Variants in ETV6 observed in about 807,000 individuals in gnomAD.
ETV6 encodes transcription factor ETV6.
ETV6 carries 16 observed loss-of-function variants against 51.1 expected under a neutral mutation model. That is an observed-to-expected ratio of 0.31 (90% CI 0.21 to 0.48). ETV6 has a LOEUF of 0.48. Among genes scored for constraint, ETV6 ranks in the 20% least tolerant of loss-of-function variants. The probability of loss-of-function intolerance (pLI) is 0.99; values close to 1 mark genes in which losing one functional copy is unlikely to be tolerated. For synonymous variants in ETV6, 240 were observed against 224.1 expected (o/e 1.07, Z -0.64); for missense variants, 458 against 594.8 (o/e 0.77, Z 2.39).
Position 11,787,839 on chromosome 12 carries a change from C to A in ETV6, c.163+35260C>A, listed in dbSNP as rs183719195. On this transcript the variant is annotated intron_variant, in intron 2 of 7. Coordinates refer to ENST00000396373, the MANE Select transcript of ETV6 (RefSeq NM_001987.5). ...AGCCCTAAGCCCAAGTTGTATCACC[C>A]AGTATCAAATCCAATCAAAAATATA... Among the ~76,000 whole-genome samples, 633 of 152,204 alleles carry A rather than the reference C, an allele frequency of 4.2e-3. 3 individuals are homozygous for A. Among genetic ancestry groups the A allele is most frequent in the African/African-American group, 0.014 (594 of 41,502 alleles).
intron 5 of ETV6, among the ~76,000 whole-genome samples, chr12:11,875,385 T>C (rs1946967579): frequency 6.6e-6 from 1 of 152,220 alleles, no homozygotes; most frequent in African/African-American, 2.4e-5. Context: ...TTTCTGTGCT[T>C]GTTTTCTACT....
At chr12:11,884,870 G>A (rs989112345) in intron 6 of ETV6, among the ~76,000 whole-genome samples, 6 of 152,070 alleles carry the variant, frequency 3.9e-5, no homozygotes, top group Admixed American at 6.6e-5. Flanking sequence ...ACCTGATCCC[G>A]CCACCTCCAC....
chr12:11,664,657 T>G (rs947095954), intron 1 of ETV6, among the ~76,000 whole-genome samples: 12 of 152,184 alleles, frequency 7.9e-5, no homozygotes, highest in African/African-American at 2.9e-4. Flanking sequence ...TAACAGACTC[T>G]TCCCCTTGTT....
chr12:11,713,230 A>T (rs1344616055), intron 1 of ETV6, among the ~76,000 whole-genome samples: 1 of 152,208 alleles, frequency 6.6e-6, no homozygotes, highest in Non-Finnish European at 1.5e-5. Context: ...TAAAATGAGG[A>T]TAATGATATT....
At chr12:11,729,828 T>G (rs1171614210) in intron 1 of ETV6, among the ~76,000 whole-genome samples, 1 of 152,214 alleles carries the variant, frequency 6.6e-6, no homozygotes, top group East Asian at 1.9e-4. Context: ...TCACCTCTTT[T>G]GTAGTGAAAA....
intron 1 of ETV6, 134 bp from the exon 2 acceptor site, chr12:11,752,316 G>A (rs562562124): frequency 2.0e-5 from 17 of 863,318 alleles, no homozygotes; most frequent in East Asian, 7.4e-5. Flanking sequence ...AGAGTAAGCC[G>A]GATTGCTTGG....
At chr12:11,675,651 AAAAAT>A (rs1169092698) in intron 1 of ETV6, among the ~76,000 whole-genome samples, 2 of 152,164 alleles carry the variant, frequency 1.3e-5, no homozygotes, top group South Asian at 2.1e-4. Flanking sequence ...GTCTCTATAA[AAAAAT>A]AAAATAAATT....
intron 1 of ETV6, among the ~76,000 whole-genome samples, chr12:11,682,963 T>A (rs1314980357): frequency 6.6e-6 from 1 of 152,258 alleles, no homozygotes. Context: ...ACCATGCTTA[T>A]ACAGCATATT....
intron 2 of ETV6, among the ~76,000 whole-genome samples, chr12:11,832,079 T>C (rs146738238): frequency 2.0e-5 from 3 of 151,758 alleles, no homozygotes; most frequent in Admixed American, 1.3e-4. Flanking sequence ...TAAAGGAGAG[T>C]TTCTGAGCTC....
At chr12:11,788,037 A>G (rs902771048) in intron 2 of ETV6, among the ~76,000 whole-genome samples, 12 of 152,338 alleles carry the variant, frequency 7.9e-5, no homozygotes, top group African/African-American at 2.9e-4. Flanking sequence ...ATTTACAAGG[A>G]GTCCAGCCCT....
intron 2 of ETV6, among the ~76,000 whole-genome samples, chr12:11,821,240 C>T (rs56856748): frequency 0.056 from 8,485 of 152,022 alleles, 389 homozygotes; most frequent in African/African-American, 0.12. Flanking sequence ...GTGGTGGGCA[C>T]CTGTAGTCCC....
intron 1 of ETV6, among the ~76,000 whole-genome samples, chr12:11,708,534 C>G (rs1040731561): frequency 6.6e-6 from 1 of 152,200 alleles, no homozygotes; most frequent in Non-Finnish European, 1.5e-5. Flanking sequence ...ACGGCCCAGA[C>G]TCCCCCCTGT....
At chr12:11,684,359 G>T (rs556090735) in intron 1 of ETV6, among the ~76,000 whole-genome samples, 4 of 152,268 alleles carry the variant, frequency 2.6e-5, no homozygotes, top group African/African-American at 7.2e-5. Context: ...CATATTATTT[G>T]TGTTTTTTTC....
intron 1 of ETV6, among the ~76,000 whole-genome samples, chr12:11,735,206 G>A (rs78589481): frequency 0.045 from 6,483 of 144,284 alleles, 194 homozygotes; most frequent in Middle Eastern, 0.075. Context: ...CCCACTATAC[G>A]TGTCTGTAGT....
intron 5 of ETV6, among the ~76,000 whole-genome samples, chr12:11,882,626 T>A (rs1228674756): frequency 6.6e-6 from 1 of 152,222 alleles, no homozygotes; most frequent in East Asian, 1.9e-4. Flanking sequence ...ACCGTTGTTA[T>A]TTTTATTACT....
At chr12:11,774,048 C>T (rs1000720220) in intron 2 of ETV6, among the ~76,000 whole-genome samples, 5 of 152,216 alleles carry the variant, frequency 3.3e-5, no homozygotes, top group African/African-American at 9.6e-5. Context: ...GGAGCTCAGC[C>T]GGCTGAGGGT....
chr12:11,653,504 T>C (rs1368439864), intron 1 of ETV6, among the ~76,000 whole-genome samples: 2 of 152,182 alleles, frequency 1.3e-5, no homozygotes, highest in African/African-American at 2.4e-5. Flanking sequence ...TCTTTCGAGC[T>C]CCCCTTCTGG....
intron 1 of ETV6, among the ~76,000 whole-genome samples, chr12:11,741,895 G>A (rs1184993110): frequency 6.6e-6 from 1 of 152,238 alleles, no homozygotes; most frequent in African/African-American, 2.4e-5. Flanking sequence ...TCACCTGGGA[G>A]CTTTAACAGC....
At chr12:11,816,838 T>G (rs922646916) in intron 2 of ETV6, among the ~76,000 whole-genome samples, 5 of 152,180 alleles carry the variant, frequency 3.3e-5, no homozygotes, top group Non-Finnish European at 4.4e-5. Context: ...ACTCCCACTT[T>G]CCTTCAATAT....
Sources: allele counts gnomAD v4.1 joint callset (sites outside exome capture counted in the v4.1 genomes callset), GRCh38; gene constraint gnomAD v4.1.1; transcripts MANE v1.5; gene names NCBI Gene and HGNC (gene_info 2026-07-23, HGNC 2026-07-21).